Variants in ELOVL2 observed in about 807,000 individuals in gnomAD.
ELOVL2 encodes the protein ELOVL fatty acid elongase 2.
In ELOVL2, 38 loss-of-function variants were observed where a neutral mutation model predicts 37.7. The ratio of observed to expected loss-of-function variants is 1.01; its 90% CI spans 0.78 to 1.32. ELOVL2 has a LOEUF of 1.32. ELOVL2 is among the 40% of genes most tolerant of loss of function. The pLI is 0.00. For missense variants in ELOVL2, 352 were observed against 363.6 expected (o/e 0.97, Z 0.26); for synonymous variants, 115 against 122.3 (o/e 0.94, Z 0.40).
intron 7 of ELOVL2, among the ~76,000 whole-genome samples, chr6:10,988,905 G>A (rs1445417511): frequency 6.6e-6 from 1 of 152,124 alleles, no homozygotes; most frequent in Non-Finnish European, 1.5e-5. Context: ...ACGTCGGTGC[G>A]GCCTTTCCAT....
In ELOVL2 at chr6:11,022,297, C is replaced by T. The variant is rs184554006; in HGVS notation, c.4-11488G>A. ...CAGAGTCTGGGACACCTGGTATGAA[C>T]GGCAGTGAGCACTGCCAAGTACTGC... On this transcript the variant is annotated intron_variant, in intron 1 of 7. Coordinates refer to ENST00000354666, the MANE Select transcript of ELOVL2 (RefSeq NM_017770.4). Among the ~76,000 whole-genome samples the T allele has an allele frequency of 8.2e-4, 125 of 152,254 alleles. 1 individual carries two copies. The highest frequency in any genetic ancestry group is 1.0e-3 in the Non-Finnish European group (70 of 68,016).
At chr6:11,014,407 A>G (rs1425754206) in intron 1 of ELOVL2, among the ~76,000 whole-genome samples, 1 of 150,400 alleles carries the variant, frequency 6.6e-6, no homozygotes, top group Non-Finnish European at 1.5e-5. Context: ...TGAATGCAGG[A>G]GGCGGAGGTT....
chr6:11,030,586 G>T (rs1309171699), intron 1 of ELOVL2, among the ~76,000 whole-genome samples: 1 of 151,956 alleles, frequency 6.6e-6, no homozygotes, highest in Non-Finnish European at 1.5e-5. Context: ...CTGCCTCCTG[G>T]GTTCATGCCA....
At chr6:11,040,046 G>A (rs559606810) in intron 1 of ELOVL2, among the ~76,000 whole-genome samples, 233 of 152,206 alleles carry the variant, frequency 1.5e-3, no homozygotes, top group Non-Finnish European at 2.6e-3. Context: ...GGGGCTCAAG[G>A]GGTGGAGGAA....
At chr6:11,003,242 C>T (rs1355540759) in intron 3 of ELOVL2, among the ~76,000 whole-genome samples, 2 of 152,106 alleles carry the variant, frequency 1.3e-5, no homozygotes, top group Non-Finnish European at 2.9e-5. Flanking sequence ...ACCTATCAAC[C>T]CCTCATCTAG....
intron 5 of ELOVL2, among the ~76,000 whole-genome samples, chr6:10,992,264 T>C (rs944112730): frequency 4.6e-5 from 7 of 152,226 alleles, no homozygotes; most frequent in Non-Finnish European, 8.8e-5. Context: ...CTCTGGGCAC[T>C]TTTTTCCCTA....
intron 5 of ELOVL2, among the ~76,000 whole-genome samples, chr6:10,991,306 A>T (rs557633323): frequency 1.3e-5 from 2 of 152,368 alleles, no homozygotes; most frequent in South Asian, 4.1e-4. Context: ...TGCTTGGCAC[A>T]AAGTGAATGC....
At chr6:11,028,541 T>G (rs1782870304) in intron 1 of ELOVL2, among the ~76,000 whole-genome samples, 1 of 152,130 alleles carries the variant, frequency 6.6e-6, no homozygotes. Flanking sequence ...AAAAATTAAA[T>G]TATCTCACAC....
At chr6:11,035,874 T>C (rs1281780304) in intron 1 of ELOVL2, among the ~76,000 whole-genome samples, 1 of 152,224 alleles carries the variant, frequency 6.6e-6, no homozygotes, top group Non-Finnish European at 1.5e-5. Context: ...GCTTACACAC[T>C]GCCTCTAATT....
At chr6:11,021,170 A>G (rs968934167) in intron 1 of ELOVL2, among the ~76,000 whole-genome samples, 1 of 152,182 alleles carries the variant, frequency 6.6e-6, no homozygotes, top group Non-Finnish European at 1.5e-5. Flanking sequence ...TCTTTGTTCC[A>G]GGCATATCTA....
At chr6:11,027,537 C>A (rs1782856974) in intron 1 of ELOVL2, among the ~76,000 whole-genome samples, 1 of 152,218 alleles carries the variant, frequency 6.6e-6, no homozygotes, top group South Asian at 2.1e-4. Context: ...GAAAGTCCTA[C>A]TTTATTTTGT....
At position 11,005,477 on chromosome 6, in the gene ELOVL2, C is replaced by A. The variant is rs1268117794; in HGVS notation, c.150G>T (p.Trp50Cys). The change falls in exon 3 of 8, where the codon TGG becomes TGT. Residue 50 changes from tryptophan (W) to cysteine (C), a missense_variant. Transcript: ENST00000354666. ...TGTTCTTCATATACTTGTTACCCAG[C>A]CATATTGAGAGCAGATACATGACAG... is the stretch of plus-strand genomic sequence containing the variant. ...FLTVMYLLSI[W>C]LGNKYMKNRP... 1 of 1,614,024 alleles carries A rather than the reference C, an allele frequency of 6.2e-7. No homozygotes were observed. Among genetic ancestry groups the A allele is most frequent in the African/African-American group, 1.3e-5 (1 of 74,998 alleles).
intron 1 of ELOVL2, among the ~76,000 whole-genome samples, chr6:11,037,016 C>CGGCATG (rs1783018360): frequency 1.4e-5 from 2 of 139,690 alleles, no homozygotes; most frequent in African/African-American, 2.7e-5. Context: ...GAGAGAGAGA[C>CGGCATG]AGAGAGGGAG....
At chr6:11,025,654 A>T (rs1373882497) in intron 1 of ELOVL2, among the ~76,000 whole-genome samples, 2 of 152,224 alleles carry the variant, frequency 1.3e-5, no homozygotes, top group Non-Finnish European at 2.9e-5. Context: ...AAAGCCATAC[A>T]AATACTTTAA....
chr6:11,011,970 G>A (rs925071144), intron 1 of ELOVL2, among the ~76,000 whole-genome samples: 2 of 152,150 alleles, frequency 1.3e-5, no homozygotes, highest in Non-Finnish European at 2.9e-5. Flanking sequence ...TTGATATGGA[G>A]CATGCATTAG....
chr6:11,013,255 G>A (rs1782614996), intron 1 of ELOVL2, among the ~76,000 whole-genome samples: 1 of 152,188 alleles, frequency 6.6e-6, no homozygotes, highest in South Asian at 2.1e-4. Flanking sequence ...TAGTAAGGAA[G>A]TAGTCTAAAA....
intron 1 of ELOVL2, among the ~76,000 whole-genome samples, chr6:11,031,079 AT>A (rs573152995): frequency 1.3e-5 from 2 of 151,742 alleles, no homozygotes; most frequent in Admixed American, 6.6e-5. Flanking sequence ...GTCATTCAAG[AT>A]TTTTTTTTGA....
intron 1 of ELOVL2, among the ~76,000 whole-genome samples, chr6:11,020,077 T>G (rs1010395612): frequency 6.6e-6 from 1 of 152,172 alleles, no homozygotes; most frequent in African/African-American, 2.4e-5. Context: ...TAAGTCATTA[T>G]CAATATATTA....
chr6:11,010,666 A>G, intron 2 of ELOVL2, 80 bp downstream of exon 2: 1 of 1,153,632 alleles, frequency 8.7e-7, no homozygotes, highest in South Asian at 1.3e-5. Flanking sequence ...AGACACCAGA[A>G]ATAACATAAT....
Sources: allele counts gnomAD v4.1 joint callset (sites outside exome capture counted in the v4.1 genomes callset), GRCh38; gene constraint gnomAD v4.1.1; transcripts MANE v1.5; gene names NCBI Gene and HGNC (gene_info 2026-07-23, HGNC 2026-07-21).